NME6: variants seen among roughly 807,000 people sequenced by gnomAD.
NME6 encodes NME/NM23 nucleoside diphosphate kinase 6, also known as nucleoside diphosphate kinase 6, mitochondrial.
Under a neutral mutation model 22.2 loss-of-function variants are expected in NME6, and 16 were observed. The ratio of observed to expected loss-of-function variants is 0.72; its 90% confidence interval spans 0.49 to 1.09. NME6 has a LOEUF of 1.09. NME6 is among the 50% of genes least tolerant of loss of function. The pLI, the probability that NME6 is intolerant of heterozygous loss-of-function variation, is 0.00. For synonymous variants in NME6, 58 were observed against 85.2 expected, an observed-to-expected ratio of 0.68 and a Z score of 1.76; for missense variants, 229 against 239.0, an observed-to-expected ratio of 0.96 and a Z score of 0.28.
rs2106901771 is a variant in NME6, at chr3:48,292,589, T to C, written c.*2048A>G. 1 of 152,310 alleles carries C rather than the reference T, an allele frequency of 6.6e-6. No homozygotes were observed. Among genetic ancestry groups the C allele is most frequent in the South Asian group, 2.1e-4 (1 of 4,820 alleles). 9.4% of individuals were successfully genotyped at this position (152,310 alleles called of 1,614,324 possible). A position where few individuals can be genotyped will look rare whatever the true frequency, so the allele number is the denominator to read the frequency against. The stretch of plus-strand genomic sequence containing the variant: ...TCTTGAGATGGAGTTTCACTCTTGT[T>C]GCCCAGGCTGGAGTGCAACGGCGTG... On this transcript the variant is annotated 3_prime_UTR_variant, in exon 6 of 6. Coordinates refer to ENST00000442597, the MANE Select transcript of NME6 (RefSeq NM_001308426.2).
downstream of NME6, among the ~76,000 whole-genome samples, chr3:48,289,198 G>A (rs2034302939): frequency 6.6e-6 from 1 of 152,002 alleles, no homozygotes. Flanking sequence ...CCGAGTAGCT[G>A]GGATTATAGG....
intron 2 of NME6, chr3:48,298,128 A>C (rs2541): frequency 1.8e-5 from 7 of 393,294 alleles, no homozygotes; most frequent in Non-Finnish European, 3.3e-5. Flanking sequence ...AATAACAAAT[A>C]AGTGTTGTTT....
intron 1 of NME6, chr3:48,298,838 C>CCTTCCTAACT (rs2035404369): frequency 6.2e-6 from 4 of 641,960 alleles, no homozygotes; most frequent in African/African-American, 3.6e-5. Context: ...TGCCAATATC[C>CCTTCCTAACT]CTTCCTAACT....
At chr3:48,292,100 C>T (rs182843874), downstream of NME6, 1 of 152,294 alleles carries the variant, frequency 6.6e-6, no homozygotes, top group African/African-American at 2.4e-5. Flanking sequence ...GTCCCATTTC[C>T]AAATATCATC....
intron 2 of NME6, 44 bp downstream of exon 2, chr3:48,298,383 G>A: frequency 6.5e-7 from 1 of 1,540,482 alleles, no homozygotes; most frequent in Non-Finnish European, 9.0e-7. Flanking sequence ...TGAAGCAGTA[G>A]CAATTCCCAG....
intron 1 of NME6, chr3:48,299,236 C>G: frequency 2.4e-6 from 1 of 424,706 alleles, no homozygotes; most frequent in Non-Finnish European, 4.2e-6. Flanking sequence ...ACTAAATAAA[C>G]CTATATAGTC....
intron 1 of NME6, 92 bp downstream of exon 1, chr3:48,301,261 A>C (rs750252069): frequency 5.0e-6 from 8 of 1,589,088 alleles, no homozygotes; most frequent in Non-Finnish European, 6.8e-6. Flanking sequence ...GCAACCGCGC[A>C]GCCCTCACCC....
At chr3:48,295,021 C>T (rs1575317564) in intron 5 of NME6, 54 bp downstream of exon 5, 3 of 1,572,680 alleles carry the variant, frequency 1.9e-6, no homozygotes, top group South Asian at 2.3e-5. Flanking sequence ...AACTCTACCA[C>T]ACAGCCTGCC....
At chr3:48,299,697 C>T (rs995674801) in intron 1 of NME6, among the ~76,000 whole-genome samples, 1 of 152,042 alleles carries the variant, frequency 6.6e-6, no homozygotes, top group African/African-American at 2.4e-5. Context: ...TTATCTTATC[C>T]TAAAAACTGT....
chr3:48,300,126 C>T (rs1322461353), intron 1 of NME6, among the ~76,000 whole-genome samples: 1 of 152,220 alleles, frequency 6.6e-6, no homozygotes, highest in Non-Finnish European at 1.5e-5. Context: ...TCTACAATCT[C>T]CACACAGCAG....
At position 48,292,395 on chromosome 3, in the gene NME6, T is replaced by G. The variant is rs867837594; in HGVS notation, c.*2242A>C. ...GGAGCCAGGTTTTTATGAGACAATT[T>G]TATTGGGAGATAATTCTGTGTCTCT... is the stretch of plus-strand genomic sequence containing the variant. On this transcript the variant is annotated 3_prime_UTR_variant, in exon 6 of 6. Transcript: ENST00000442597. The G allele has an allele frequency of 1.3e-5, 2 of 152,202 alleles. No individual in the cohort carries two copies. The highest frequency in any genetic ancestry group is 2.4e-5 in the African/African-American group (1 of 41,450). 9.4% of individuals were successfully genotyped at this position (152,202 alleles called of 1,614,324 possible).
chr3:48,299,864 C>T (rs1353276383), intron 1 of NME6, among the ~76,000 whole-genome samples: 1 of 152,152 alleles, frequency 6.6e-6, no homozygotes, highest in Non-Finnish European at 1.5e-5. Flanking sequence ...AACCCACTCT[C>T]CCTAATGCCA....
At chr3:48,298,597 C>A in intron 1 of NME6, 74 bp from the exon 2 acceptor site, 4 of 1,075,180 alleles carry the variant, frequency 3.7e-6, no homozygotes, top group Non-Finnish European at 5.3e-6. Flanking sequence ...AGCCACGCAG[C>A]CTTGCAAGCC....
At chr3:48,296,969 G>T (rs1022272491) in intron 2 of NME6, 140 bp from the exon 3 acceptor site, 3 of 629,930 alleles carry the variant, frequency 4.8e-6, no homozygotes, top group Non-Finnish European at 8.3e-6. Flanking sequence ...GTGAGGTGAA[G>T]ACCTTCAGTC....
chr3:48,291,361 C>T, downstream of NME6: 1 of 469,106 alleles, frequency 2.1e-6, no homozygotes, highest in Non-Finnish European at 4.3e-6. Flanking sequence ...TCCTTGTTTT[C>T]TTTTGCTCTC....
downstream of NME6, among the ~76,000 whole-genome samples, chr3:48,290,538 CTG>C (rs2034383920): frequency 6.6e-6 from 1 of 152,206 alleles, no homozygotes; most frequent in Admixed American, 6.5e-5. Context: ...ATTCACCACA[CTG>C]TGCAACAGAC....
At chr3:48,294,980 GAAGA>G (rs2034905411) in intron 5 of NME6, 91 bp downstream of exon 5, 1 of 1,489,176 alleles carries the variant, frequency 6.7e-7, no homozygotes. Flanking sequence ...AACACAAATG[GAAGA>G]AAGCTCACTG....
intron 1 of NME6, among the ~76,000 whole-genome samples, chr3:48,299,981 C>T (rs1297599736): frequency 2.0e-5 from 3 of 152,142 alleles, no homozygotes; most frequent in African/African-American, 7.2e-5. Context: ...GCAATTTTCC[C>T]TACCTAATAT....
At chr3:48,296,615 C>T in intron 3 of NME6, 112 bp downstream of exon 3, 2 of 720,400 alleles carry the variant, frequency 2.8e-6, no homozygotes, top group South Asian at 3.6e-5. Flanking sequence ...AAACTGGCTG[C>T]AACTGTACAC....
Sources: allele counts gnomAD v4.1 joint callset (sites outside exome capture counted in the v4.1 genomes callset), GRCh38; gene constraint gnomAD v4.1.1; transcripts MANE v1.5; gene names NCBI Gene and HGNC (gene_info 2026-07-23, HGNC 2026-07-21).